The following MRPL35 variants were observed in gnomAD, a reference collection of about 807,000 sequenced individuals.
MRPL35 encodes the protein mitochondrial ribosomal protein L35.
MRPL35 carries 18 observed loss-of-function variants against 21.6 expected under a neutral mutation model. The ratio of observed to expected loss-of-function variants is 0.83; its 90% CI spans 0.58 to 1.24. MRPL35 has a LOEUF of 1.24. Ranked by LOEUF, MRPL35 falls within the 50% of genes most tolerant of loss-of-function variation. MRPL35 has a pLI of 0.00. For synonymous variants in MRPL35, 87 were observed against 86.9 expected (o/e 1.00, Z -0.01); for missense variants, 223 against 223.2 (o/e 1.00, Z 0.01).
chr2:86,201,808 TC>T (rs1210494887), intron 1 of MRPL35, among the ~76,000 whole-genome samples: 1 of 152,242 alleles, frequency 6.6e-6, no homozygotes, highest in East Asian at 1.9e-4. Flanking sequence ...TGTCACAGTC[TC>T]CTCCACTCCC....
intron 1 of MRPL35, among the ~76,000 whole-genome samples, chr2:86,205,787 T>C (rs1055346411): frequency 3.3e-5 from 5 of 152,308 alleles, no homozygotes; most frequent in African/African-American, 1.2e-4. Flanking sequence ...CACCAGAGTA[T>C]AAGATCTGGG....
Position 86,212,122 on chromosome 2 carries a change from C to T in MRPL35, c.*1454C>T. The T allele has an allele frequency of 8.2e-7, 1 of 1,214,410 alleles. No homozygotes were observed. Among genetic ancestry groups the T allele is most frequent in the Non-Finnish European group, 1.0e-6 (1 of 972,424 alleles). The allele number at this position is 1,214,410 out of a possible 1,614,324, so 75.2% of individuals were successfully genotyped here. On this transcript the variant is annotated 3_prime_UTR_variant, in exon 4 of 4. Coordinates refer to ENST00000337109, the MANE Select transcript of MRPL35 (RefSeq NM_016622.4). ...TAGAATTATGCATGAATTACTGTTT[C>T]AGATCCTTTAATGTGGTAGTTGGTA...
chr2:86,210,295 T>C (rs1673875078), intron 3 of MRPL35, among the ~76,000 whole-genome samples, 185 bp from the exon 4 acceptor site: 1 of 150,702 alleles, frequency 6.6e-6, no homozygotes, highest in Non-Finnish European at 1.5e-5. Context: ...ACATGCTTTC[T>C]CCATCCCCCT....
At position 86,199,678 on chromosome 2, in the gene MRPL35, G is replaced by T. The variant is rs569632257; in HGVS notation, c.43+145G>T. 73 of 1,042,822 alleles carry T rather than the reference G, an allele frequency of 7.0e-5. 2 individuals are homozygous for T. In the South Asian group the frequency reaches 9.9e-4, roughly 14 times the overall value. 64.6% of individuals were successfully genotyped at this position (1,042,822 alleles called of 1,614,324 possible). Reference sequence around the variant, plus strand: ...GGTTGCGCCCAATTTTCTCTGGGGCGGTGTGACCGGCAGCCCGTACCAAGT... The same window carrying T: ...GGTTGCGCCCAATTTTCTCTGGGGCTGTGTGACCGGCAGCCCGTACCAAGT... On this transcript the variant is annotated intron_variant, in intron 1 of 3. Coordinates refer to ENST00000337109, the MANE Select transcript of MRPL35 (RefSeq NM_016622.4).
Position 86,213,594 on chromosome 2 carries a change from G to A in MRPL35, c.*2926G>A, listed in dbSNP as rs1316024630. 7.1e-6 allele frequency: 11 copies of A among 1,549,850 alleles called. No individual in the cohort carries two copies. The highest frequency in any genetic ancestry group is 9.6e-6 in the Non-Finnish European group (11 of 1,146,522). On this transcript the variant is annotated 3_prime_UTR_variant, in exon 4 of 4. Transcript: ENST00000337109. ...GGTAAGGGCTGCAGCAGGTTTAAGGGTGGCCCTTCACCACCCTGTTGTCAC... is the reference window on the plus strand; with the variant it reads ...GGTAAGGGCTGCAGCAGGTTTAAGGATGGCCCTTCACCACCCTGTTGTCAC...
chr2:86,212,496 C>A lies in MRPL35; in HGVS notation c.*1828C>A. On this transcript the variant is annotated 3_prime_UTR_variant, in exon 4 of 4. Coordinates refer to ENST00000337109, the MANE Select transcript of MRPL35 (RefSeq NM_016622.4). ...GCCTGGCTCCTGCTCTCTGATGTACCTCTGGGTAGTGAGATGGAAATGGTG... is the reference window on the plus strand; with the variant it reads ...GCCTGGCTCCTGCTCTCTGATGTACATCTGGGTAGTGAGATGGAAATGGTG... 1 of 1,610,984 alleles carries A rather than the reference C, an allele frequency of 6.2e-7. No homozygotes were observed. Among genetic ancestry groups the A allele is most frequent in the Middle Eastern group, 1.7e-4 (1 of 6,044 alleles).
chr2:86,204,744 A>G (rs1303468709), intron 1 of MRPL35, among the ~76,000 whole-genome samples: 3 of 152,182 alleles, frequency 2.0e-5, no homozygotes, highest in Admixed American at 6.5e-5. Flanking sequence ...TCAGGCGAAC[A>G]GTCTCAGCCT....
At position 86,211,672 on chromosome 2, in the gene MRPL35, T is replaced by C. The variant is rs1227133657; in HGVS notation, c.*1004T>C. 1.0e-6 allele frequency: 1 copy of C among 985,406 alleles called. No homozygotes were observed. The highest frequency in any genetic ancestry group is 1.2e-6 in the Non-Finnish European group (1 of 829,924). 61.0% of individuals were successfully genotyped at this position (985,406 alleles called of 1,614,324 possible). On this transcript the variant is annotated 3_prime_UTR_variant, in exon 4 of 4. Transcript: ENST00000337109. ...TTATGCAAGTTTTGAAAGATAGGTA[T>C]TTATTTTTTCTAGAGACAGGAGTTT...
At chr2:86,208,247 C>T (rs966069861) in intron 3 of MRPL35, among the ~76,000 whole-genome samples, 3 of 151,718 alleles carry the variant, frequency 2.0e-5, no homozygotes, top group Non-Finnish European at 4.4e-5. Context: ...GTCTAATGTT[C>T]TGAGTTTTGT....
rs1349894182 is a variant in MRPL35, at chr2:86,212,558, C to T, written c.*1890C>T. 1.3e-6 allele frequency: 2 copies of T among 1,563,510 alleles called. No homozygotes were observed. Among genetic ancestry groups the T allele is most frequent in the Non-Finnish European group, 1.7e-6 (2 of 1,156,950 alleles). ...TGGGGAGAAGGATACTTTTGCACAG[C>T]CTCCATGATGTCTTTATTGCAAATA... is the stretch of plus-strand genomic sequence containing the variant. On this transcript the variant is annotated 3_prime_UTR_variant, in exon 4 of 4. Coordinates refer to ENST00000337109, the MANE Select transcript of MRPL35 (RefSeq NM_016622.4).
At chr2:86,206,013 G>A in intron 1 of MRPL35, 93 bp from the exon 2 acceptor site, 3 of 1,131,304 alleles carry the variant, frequency 2.7e-6, no homozygotes, top group Non-Finnish European at 3.9e-6. Context: ...CGTTAATTAT[G>A]TTTAATACTT....
Position 86,211,655 on chromosome 2 carries a change from G to C in MRPL35, c.*987G>C. 2.0e-6 allele frequency: 2 copies of C among 985,406 alleles called. No homozygotes were observed. Among genetic ancestry groups the C allele is most frequent in the Non-Finnish European group, 2.4e-6 (2 of 829,936 alleles). The allele number at this position is 985,406 out of a possible 1,614,324, so 61.0% of individuals were successfully genotyped here. A position where few individuals can be genotyped will look rare whatever the true frequency, so the allele number is the denominator to read the frequency against. On this transcript the variant is annotated 3_prime_UTR_variant, in exon 4 of 4. Transcript: ENST00000337109. ...GTGAAGACAAGGGCTTTTTATGCAAGTTTTGAAAGATAGGTATTTATTTTT... is the reference window on the plus strand; with the variant it reads ...GTGAAGACAAGGGCTTTTTATGCAACTTTTGAAAGATAGGTATTTATTTTT...
intron 1 of MRPL35, among the ~76,000 whole-genome samples, chr2:86,204,002 G>C (rs1255953397): frequency 3.4e-5 from 5 of 147,446 alleles, no homozygotes; most frequent in Non-Finnish European, 7.5e-5. Flanking sequence ...TTTTTTTTTT[G>C]AGATGGAGTT....
intron 1 of MRPL35, among the ~76,000 whole-genome samples, chr2:86,199,747 C>A (rs537162669): frequency 6.6e-6 from 1 of 152,332 alleles, no homozygotes; most frequent in South Asian, 2.1e-4. Flanking sequence ...ACGCATTTGC[C>A]GCTTCCTTAC....
intron 1 of MRPL35, among the ~76,000 whole-genome samples, chr2:86,202,447 A>AT (rs1673702823): frequency 1.3e-5 from 2 of 152,186 alleles, no homozygotes; most frequent in Non-Finnish European, 2.9e-5. Flanking sequence ...GAACAAAAGA[A>AT]TTTCATAGGT....
Position 86,213,174 on chromosome 2 carries a change from TCAA to T in MRPL35, c.*2510_*2512del. 1 of 987,830 alleles carries T rather than the reference TCAA, an allele frequency of 1.0e-6. No individual in the cohort carries two copies. Among genetic ancestry groups the T allele is most frequent in the African/African-American group, 1.7e-5 (1 of 57,490 alleles). 61.2% of individuals were successfully genotyped at this position (987,830 alleles called of 1,614,324 possible). ...TAACATATGAAAATTCATATCTAAA[TCAA>T]CAAGTGACTGTAATCTGGTACTATA... On this transcript the variant is annotated 3_prime_UTR_variant, in exon 4 of 4. Transcript: ENST00000337109.
rs1673883739 is a variant in MRPL35, at chr2:86,210,553, A to G, written c.452A>G (p.Asn151Ser). Residue 151 changes from asparagine to serine, a missense_variant, in exon 4 of 4, where the codon AAT becomes AGT. Physicochemically the swap from Asn to Ser is conservative, Grantham distance 46. Transcript: ENST00000337109. ...CGATTGAGGGAATTTGTATTCTGCA[A>G]TAAAACCCAGAGTAAACTCTTAGAT... ...KKRLREFVFC[N>S]KTQSKLLDKM... 6.8e-6 allele frequency: 11 copies of G among 1,614,026 alleles called. No homozygotes were observed. Among genetic ancestry groups the G allele is most frequent in the African/African-American group, 6.7e-5 (5 of 75,058 alleles).
chr2:86,201,370 G>A (rs1673682553), intron 1 of MRPL35, among the ~76,000 whole-genome samples: 1 of 151,940 alleles, frequency 6.6e-6, no homozygotes, highest in Non-Finnish European at 1.5e-5. Context: ...TAAATATTTT[G>A]CCCATTTTCC....
rs1470913543 is a variant in MRPL35, at chr2:86,211,664, G to C, written c.*996G>C. On this transcript the variant is annotated 3_prime_UTR_variant, in exon 4 of 4. Coordinates refer to ENST00000337109, the MANE Select transcript of MRPL35 (RefSeq NM_016622.4). ...AGGGCTTTTTATGCAAGTTTTGAAA[G>C]ATAGGTATTTATTTTTTCTAGAGAC... is the stretch of plus-strand genomic sequence containing the variant. 1 of 985,274 alleles carries C rather than the reference G, an allele frequency of 1.0e-6. No individual in the cohort carries two copies. The highest frequency in any genetic ancestry group is 1.7e-5 in the African/African-American group (1 of 57,218). The allele number at this position is 985,274 out of a possible 1,614,324, so 61.0% of individuals were successfully genotyped here. A position where few individuals can be genotyped will look rare whatever the true frequency, so the allele number is the denominator to read the frequency against.
Sources: gnomAD v4.1 joint callset for allele counts (sites outside exome capture counted in the v4.1 genomes callset) on GRCh38, gnomAD v4.1.1 for gene constraint, MANE v1.5 for transcripts, NCBI Gene and HGNC (gene_info 2026-07-23, HGNC 2026-07-21) for gene names.